Variants in MSRA observed in about 807,000 individuals in gnomAD.
The protein encoded by MSRA is mitochondrial peptide methionine sulfoxide reductase.
Under a neutral mutation model 31.3 loss-of-function variants are expected in MSRA, and 54 were observed. That is an observed-to-expected ratio of 1.73 (90% CI 1.39 to 2.17). MSRA has a LOEUF of 2.17. MSRA is among the 30% of genes most tolerant of loss of function. The pLI, the probability that MSRA is intolerant of heterozygous loss-of-function variation, is 0.00. For missense variants in MSRA, 507 were observed against 300.9 expected (o/e 1.69, Z -5.07); for synonymous variants, 169 against 116.5 (o/e 1.45, Z -2.90).
chr8:10,105,428 A>G (rs1335262153), intron 1 of MSRA, among the ~76,000 whole-genome samples: 2 of 152,214 alleles, frequency 1.3e-5, no homozygotes, highest in Non-Finnish European at 2.9e-5. Context: ...TTTTCCATGT[A>G]AACTTTTGGT....
intron 3 of MSRA, among the ~76,000 whole-genome samples, chr8:10,275,486 C>T (rs1799274836): frequency 6.6e-6 from 1 of 152,176 alleles, no homozygotes; most frequent in Non-Finnish European, 1.5e-5. Context: ...AATGAAAGCA[C>T]AAGAAGCATT....
chr8:10,330,675 C>A (rs1451620936), intron 5 of MSRA, among the ~76,000 whole-genome samples: 1 of 152,204 alleles, frequency 6.6e-6, no homozygotes, highest in African/African-American at 2.4e-5. Flanking sequence ...CAGAGAATCT[C>A]CTAGGAACTC....
At chr8:10,235,567 A>G (rs1481289116) in intron 2 of MSRA, among the ~76,000 whole-genome samples, 1 of 152,182 alleles carries the variant, frequency 6.6e-6, no homozygotes, top group Non-Finnish European at 1.5e-5. Flanking sequence ...ACAGAAAGGA[A>G]AGATGATAAA....
chr8:10,218,118 T>C (rs1421350868), intron 2 of MSRA, among the ~76,000 whole-genome samples: 2 of 45,668 alleles, frequency 4.4e-5, no homozygotes, highest in Admixed American at 1.7e-4. Context: ...CCTTTTCTAT[T>C]TATTTATTTA....
intron 3 of MSRA, among the ~76,000 whole-genome samples, chr8:10,285,902 T>C (rs1799909985): frequency 6.6e-6 from 1 of 152,208 alleles, no homozygotes; most frequent in African/African-American, 2.4e-5. Context: ...TATTTCTGTA[T>C]GTGTGACATT....
chr8:10,351,245 C>CTTT lies in MSRA; in HGVS notation c.543+31282_543+31284dup, dbSNP rs71203317. On this transcript the variant is annotated intron_variant, in intron 5 of 5. Coordinates refer to ENST00000317173, the MANE Select transcript of MSRA (RefSeq NM_012331.5). ...ATGGTTGTTTTTGCTCTGAAGGAGA[C>CTTT]TTTTTTTTTTTTTTTTTTTTTTTTT... Among the ~76,000 whole-genome samples the CTTT allele has an allele frequency of 5.3e-3, 301 of 56,802 alleles. 72 individuals carry two copies. The highest frequency in any genetic ancestry group is 0.017 in the African/African-American group (238 of 14,192). 37.3% of individuals were successfully genotyped at this position (56,802 alleles called of 152,430 possible).
intron 5 of MSRA, among the ~76,000 whole-genome samples, chr8:10,386,383 T>A (rs1283946560): frequency 1.3e-5 from 2 of 152,112 alleles, no homozygotes; most frequent in Non-Finnish European, 2.9e-5. Context: ...GCAGGGGTGA[T>A]GAACAGATAT....
chr8:10,083,713 C>T (rs1392595496), intron 1 of MSRA, among the ~76,000 whole-genome samples: 1 of 151,826 alleles, frequency 6.6e-6, no homozygotes, highest in African/African-American at 2.4e-5. Context: ...ACAGTTTTAT[C>T]TGCTATCCTG....
intron 1 of MSRA, among the ~76,000 whole-genome samples, chr8:10,087,249 G>A (rs981465461): frequency 6.6e-5 from 10 of 152,298 alleles, no homozygotes; most frequent in East Asian, 1.9e-4. Flanking sequence ...GTATGTTGGT[G>A]GATGACTCAT....
intron 5 of MSRA, among the ~76,000 whole-genome samples, chr8:10,346,587 C>T (rs760094023): frequency 6.6e-6 from 1 of 152,104 alleles, no homozygotes; most frequent in Non-Finnish European, 1.5e-5. Flanking sequence ...GAAAGGCAAG[C>T]GGAAGAGAGA....
chr8:10,212,426 A>G (rs1207539856), intron 2 of MSRA, among the ~76,000 whole-genome samples: 1 of 152,198 alleles, frequency 6.6e-6, no homozygotes, highest in Non-Finnish European at 1.5e-5. Flanking sequence ...AAATGGAAAA[A>G]TAATGAACTT....
chr8:10,423,288 C>A (rs1808924305), intron 5 of MSRA, among the ~76,000 whole-genome samples: 1 of 152,186 alleles, frequency 6.6e-6, no homozygotes, highest in African/African-American at 2.4e-5. Flanking sequence ...CTAAGGCGTT[C>A]CATCTGCTCC....
chr8:10,273,731 T>A (rs17151550), intron 3 of MSRA, among the ~76,000 whole-genome samples: 54,674 of 152,004 alleles, frequency 0.36, 10,151 homozygotes, highest in African/African-American at 0.45. Flanking sequence ...ATTGTGGCTC[T>A]GTGAATGTGT....
intron 3 of MSRA, among the ~76,000 whole-genome samples, chr8:10,274,194 C>G (rs1481992852): frequency 6.6e-6 from 1 of 152,202 alleles, no homozygotes; most frequent in Admixed American, 6.5e-5. Flanking sequence ...CTGTTACATT[C>G]AAACTTCTAA....
At chr8:10,166,213 A>C (rs1195864214) in intron 1 of MSRA, among the ~76,000 whole-genome samples, 1 of 152,136 alleles carries the variant, frequency 6.6e-6, no homozygotes. Flanking sequence ...CTTCTTTAGA[A>C]GTTTTGGAGC....
intron 1 of MSRA, among the ~76,000 whole-genome samples, chr8:10,145,494 A>AT (rs1156804039): frequency 2.0e-5 from 3 of 152,152 alleles, no homozygotes; most frequent in African/African-American, 7.2e-5. Flanking sequence ...CGCCTGCATA[A>AT]TTCATTTTCT....
intron 3 of MSRA, among the ~76,000 whole-genome samples, chr8:10,277,458 T>C (rs1585342737): frequency 6.6e-6 from 1 of 152,216 alleles, no homozygotes. Flanking sequence ...GAGGAAACTT[T>C]CTAAAATCCC....
rs139421344 is a variant in MSRA, at chr8:10,316,527, C to CCTCTCTCTCTCT, written c.437-3320_437-3309dup. Among the ~76,000 whole-genome samples, 115 of 112,622 alleles carry CCTCTCTCTCTCT rather than the reference C, an allele frequency of 1.0e-3. 3 individuals carry two copies. The highest frequency in any genetic ancestry group is 1.6e-3 in the Admixed American group (17 of 10,918). The allele number at this position is 112,622 out of a possible 152,430, so 73.9% of individuals were successfully genotyped here. ...AGGATTGTTAGCTACTTTGATGATC[C>CCTCTCTCTCTCT]CTCTCTCTCTCTCTCTCTCTCTCTC... is the stretch of plus-strand genomic sequence containing the variant. On this transcript the variant is annotated intron_variant, in intron 4 of 5. Coordinates refer to ENST00000317173, the MANE Select transcript of MSRA (RefSeq NM_012331.5).
At chr8:10,352,365 A>G (rs918576057) in intron 5 of MSRA, among the ~76,000 whole-genome samples, 1 of 152,190 alleles carries the variant, frequency 6.6e-6, no homozygotes, top group Non-Finnish European at 1.5e-5. Context: ...CGAAGGGGAA[A>G]ATCTAGTGTT....
Sources: allele counts gnomAD v4.1 joint callset (sites outside exome capture counted in the v4.1 genomes callset), GRCh38; gene constraint gnomAD v4.1.1; transcripts MANE v1.5; gene names NCBI Gene and HGNC (gene_info 2026-07-23, HGNC 2026-07-21).